The following MEGF6 variants were observed in gnomAD, a reference collection of about 807,000 sequenced individuals.
MEGF6 encodes multiple EGF like domains 6.
A neutral mutation model predicts 207.1 loss-of-function variants in MEGF6; 184 were observed. The ratio of observed to expected loss-of-function variants is 0.89; its 90% confidence interval spans 0.79 to 1.00. The LOEUF (loss-of-function observed/expected upper bound fraction) is 1.00, where lower values mean the gene tolerates loss of function less well. Ranked by LOEUF, MEGF6 falls within the 50% of genes least tolerant of loss-of-function variation. The probability of loss-of-function intolerance (pLI) is 0.00; values close to 1 mark genes in which losing one functional copy is unlikely to be tolerated. For missense variants in MEGF6, 2,282 were observed against 2,202.9 expected (o/e 1.04, Z -0.72); for synonymous variants, 1,038 against 910.0 (o/e 1.14, Z -2.53).
chr1:3,543,060 C>G (rs1642580007), intron 4 of MEGF6, among the ~76,000 whole-genome samples: 1 of 152,224 alleles, frequency 6.6e-6, no homozygotes, highest in Non-Finnish European at 1.5e-5. Flanking sequence ...CCAGCCTCCC[C>G]TGGGAGATGA....
At chr1:3,607,188 A>C (rs558917413) in intron 1 of MEGF6, among the ~76,000 whole-genome samples, 1 of 151,540 alleles carries the variant, frequency 6.6e-6, no homozygotes, top group South Asian at 2.1e-4. Context: ...ACTAACCAGC[A>C]AGACGACAAT....
chr1:3,596,206 G>A (rs1644062286), intron 2 of MEGF6, among the ~76,000 whole-genome samples: 1 of 152,056 alleles, frequency 6.6e-6, no homozygotes, highest in African/African-American at 2.4e-5. Context: ...CTCCTGCTCA[G>A]ATGGGACGGG....
intron 4 of MEGF6, among the ~76,000 whole-genome samples, chr1:3,547,951 T>C (rs1642767729): frequency 6.6e-6 from 1 of 152,098 alleles, no homozygotes; most frequent in South Asian, 2.1e-4. Context: ...GGGACCCAAC[T>C]TGAGGTGACG....
chr1:3,511,695 G>A lies in MEGF6; in HGVS notation c.977-8C>T, dbSNP rs771570969. On this transcript the variant is annotated splice_polypyrimidine_tract_variant and splice_region_variant and intron_variant, in intron 8 of 36. Coordinates refer to ENST00000356575, the MANE Select transcript of MEGF6 (RefSeq NM_001409.4). ...CGATTTCCATCTCAATCCCTGCCGTGAGACCAGCCACCCAGGGTATGGGAT... is the reference window on the plus strand; with the variant it reads ...CGATTTCCATCTCAATCCCTGCCGTAAGACCAGCCACCCAGGGTATGGGAT... The A allele has an allele frequency of 1.9e-6, 3 of 1,600,750 alleles. No individual in the cohort carries two copies. The highest frequency in any genetic ancestry group is 2.7e-5 in the African/African-American group (2 of 74,716).
chr1:3,550,489 A>T (rs927271428), intron 4 of MEGF6, among the ~76,000 whole-genome samples: 1 of 145,124 alleles, frequency 6.9e-6, no homozygotes, highest in Non-Finnish European at 1.5e-5. Context: ...GAATGCACAA[A>T]GGGTCGCTAT....
At chr1:3,587,284 A>T (rs920768091) in intron 3 of MEGF6, among the ~76,000 whole-genome samples, 2 of 152,262 alleles carry the variant, frequency 1.3e-5, no homozygotes, top group African/African-American at 4.8e-5. Context: ...CGTGGAAAGA[A>T]GTCAGCATCT....
intron 4 of MEGF6, among the ~76,000 whole-genome samples, chr1:3,540,981 C>A (rs1642497258): frequency 6.6e-6 from 1 of 152,218 alleles, no homozygotes; most frequent in Admixed American, 6.5e-5. Flanking sequence ...CTTCCACATC[C>A]AGAGAAGCCA....
intron 4 of MEGF6, among the ~76,000 whole-genome samples, chr1:3,563,316 C>T (rs1231017479): frequency 2.0e-5 from 3 of 152,220 alleles, no homozygotes; most frequent in Non-Finnish European, 2.9e-5. Flanking sequence ...AGCCCCATGC[C>T]TGGCACCTAT....
At chr1:3,493,521 G>T (rs181170531) in intron 34 of MEGF6, 9 of 562,952 alleles carry the variant, frequency 1.6e-5, no homozygotes, top group Non-Finnish European at 2.5e-5. Flanking sequence ...CCATGACCAT[G>T]GCCTTCCTGG....
chr1:3,574,063 AC>A (rs1251365543), intron 4 of MEGF6, among the ~76,000 whole-genome samples: 1 of 149,500 alleles, frequency 6.7e-6, no homozygotes, highest in African/African-American at 2.4e-5. Context: ...CACCCGAGAG[AC>A]CCCCACTGAG....
intron 4 of MEGF6, among the ~76,000 whole-genome samples, chr1:3,539,801 G>C (rs1308458745): frequency 1.3e-5 from 2 of 152,192 alleles, no homozygotes; most frequent in Non-Finnish European, 2.9e-5. Flanking sequence ...CCAGGCCCAG[G>C]CTTATCTTCC....
rs1000917611 is a variant in MEGF6 at position 3,491,070 on chromosome 1, G to A, written c.4517-111C>T. The A allele has an allele frequency of 4.8e-5, 41 of 856,678 alleles. 1 individual carries two copies. The highest frequency in any genetic ancestry group is 7.1e-5 in the South Asian group (4 of 56,378). The allele number at this position is 856,678 out of a possible 1,614,324, so 53.1% of individuals were successfully genotyped here. On this transcript the variant is annotated intron_variant, in intron 35 of 36. Transcript: ENST00000356575. ...GCCTTCAGGGACCTCCACTTCCCCC[G>A]CACAGTCTCCTTCCCTTCTCAGTCC...
chr1:3,566,025 G>A (rs778482541), intron 4 of MEGF6, among the ~76,000 whole-genome samples: 28 of 152,286 alleles, frequency 1.8e-4, no homozygotes, highest in Non-Finnish European at 3.2e-4. Context: ...CTCCCCCAGC[G>A]CTCTCAGCAG....
intron 4 of MEGF6, among the ~76,000 whole-genome samples, chr1:3,526,432 C>T (rs1476918134): frequency 6.9e-6 from 1 of 145,402 alleles, no homozygotes; most frequent in Non-Finnish European, 1.5e-5. Flanking sequence ...CAGTCTCGCT[C>T]TGTCGCCCAG....
At chr1:3,591,034 G>C (rs1328393165) in intron 3 of MEGF6, among the ~76,000 whole-genome samples, 1 of 152,138 alleles carries the variant, frequency 6.6e-6, no homozygotes, top group African/African-American at 2.4e-5. Context: ...AGCCGTGTGT[G>C]ACTCTCAGCA....
chr1:3,495,160 G>A (rs1409219457), intron 30 of MEGF6, among the ~76,000 whole-genome samples: 1 of 152,218 alleles, frequency 6.6e-6, no homozygotes, highest in Non-Finnish European at 1.5e-5. Flanking sequence ...CTGTAGCCCT[G>A]CTGTTACAGC....
chr1:3,526,505 C>G (rs1641969055), intron 4 of MEGF6, among the ~76,000 whole-genome samples: 1 of 150,968 alleles, frequency 6.6e-6, no homozygotes, highest in Non-Finnish European at 1.5e-5. Flanking sequence ...TCAAGCGGTT[C>G]TCCCTGCCTC....
At chr1:3,605,550 TCATACA>T (rs1314922276) in intron 1 of MEGF6, among the ~76,000 whole-genome samples, 386 of 25,758 alleles carry the variant, frequency 0.015, 2 homozygotes, top group African/African-American at 0.022. Context: ...ACACATATTC[TCATACA>T]CTCATACACT....
the MEGF6 span, chr1:3,624,784 T>C: frequency 3.0e-5 from 6 of 197,638 alleles, no homozygotes; most frequent in Non-Finnish European, 6.1e-5. Context: ...CTTCTCGTTG[T>C]GTAAACAGGA....
Sources: gnomAD v4.1 joint callset for allele counts (sites outside exome capture counted in the v4.1 genomes callset) on GRCh38, gnomAD v4.1.1 for gene constraint, MANE v1.5 for transcripts, NCBI Gene and HGNC (gene_info 2026-07-23, HGNC 2026-07-21) for gene names.